The following ABCA12 variants were observed in gnomAD, a reference collection of about 807,000 sequenced individuals.
ABCA12 encodes the protein ATP binding cassette subfamily A member 12.
In ABCA12, 156 loss-of-function variants were observed where a neutral mutation model predicts 293.5. The observed-to-expected ratio is 0.53, with a 90% CI of 0.47 to 0.61. ABCA12 has a LOEUF of 0.61. ABCA12 is among the 20% of genes least tolerant of loss of function. The pLI is 0.00. For missense variants in ABCA12, 2,797 were observed against 3,090.2 expected (o/e 0.91, Z 2.25); for synonymous variants, 1,063 against 1,108.0 (o/e 0.96, Z 0.81).
In ABCA12 at chr2:215,064,164, G is replaced by A. The variant is rs746221820; in HGVS notation, c.219C>T (p.Thr73=). 1.9e-6 allele frequency: 3 copies of A among 1,612,828 alleles called. No homozygotes were observed. Among genetic ancestry groups the A allele is most frequent in the Non-Finnish European group, 2.5e-6 (3 of 1,179,216 alleles). ...PSTGFFPFLQ[T]LLCDTDSKCK... ...ATTTAGAGTCTGTGTCACAGAGTAG[G>A]GTCTGCAGGAATGGAAAGAATCCAG... The change falls in exon 3 of 53, where the codon ACC becomes ACT. Residue 73 remains threonine, a synonymous_variant. Transcript: ENST00000272895.
At chr2:215,125,300 T>C (rs1702898696) in intron 1 of ABCA12, among the ~76,000 whole-genome samples, 1 of 152,180 alleles carries the variant, frequency 6.6e-6, no homozygotes, top group African/African-American at 2.4e-5. Flanking sequence ...TTTGGTTCCA[T>C]ATGAATTTTA....
chr2:215,024,504 G>A (rs938094270), intron 11 of ABCA12, among the ~76,000 whole-genome samples: 3 of 152,174 alleles, frequency 2.0e-5, no homozygotes, highest in African/African-American at 7.2e-5. Flanking sequence ...GTCCTTGAGG[G>A]ATGAGTAGGA....
At chr2:214,984,011 G>A in intron 28 of ABCA12, 146 bp from the exon 29 acceptor site, 1 of 641,168 alleles carries the variant, frequency 1.6e-6, no homozygotes, top group Non-Finnish European at 2.7e-6. Flanking sequence ...GTATTTAATG[G>A]GAATAAGAAA....
intron 4 of ABCA12, among the ~76,000 whole-genome samples, chr2:215,054,050 C>T (rs926457772): frequency 6.6e-5 from 10 of 152,008 alleles, no homozygotes; most frequent in Admixed American, 5.9e-4. Context: ...CACAGTCACA[C>T]TGAAGACTGT....
At chr2:214,981,690 C>A (rs1164063707) in intron 30 of ABCA12, among the ~76,000 whole-genome samples, 1 of 149,822 alleles carries the variant, frequency 6.7e-6, no homozygotes, top group Non-Finnish European at 1.5e-5. Context: ...TATGTACAAG[C>A]ATGATGTATC....
At position 215,138,293 on chromosome 2, in the gene ABCA12, T is replaced by A; in HGVS notation, c.-85A>T. 7.1e-7 allele frequency: 1 copy of A among 1,410,662 alleles called. No individual in the cohort carries two copies. Among genetic ancestry groups the A allele is most frequent in the South Asian group, 1.1e-5 (1 of 87,060 alleles). 87.4% of individuals were successfully genotyped at this position (1,410,662 alleles called of 1,614,324 possible). A position where few individuals can be genotyped will look rare whatever the true frequency, so the allele number is the denominator to read the frequency against. ...CTGATGCCCCGTCCAACTTGCTGTA[T>A]GTCAGTGTATCAGTACCCCTTTCAC... On this transcript the variant is annotated 5_prime_UTR_variant, in exon 1 of 53. Transcript: ENST00000272895.
chr2:215,042,597 T>G (rs1701121505), intron 7 of ABCA12, among the ~76,000 whole-genome samples: 1 of 152,172 alleles, frequency 6.6e-6, no homozygotes, highest in Admixed American at 6.6e-5. Context: ...TTCATATTTA[T>G]AGAGTACAGT....
intron 2 of ABCA12, among the ~76,000 whole-genome samples, chr2:215,106,994 C>T (rs1702476239): frequency 6.6e-6 from 1 of 152,088 alleles, no homozygotes; most frequent in South Asian, 2.1e-4. Flanking sequence ...ATAGTTGGGG[C>T]TTAATGTAAT....
At chr2:215,011,763 T>C (rs1404943098) in intron 16 of ABCA12, 114 bp from the exon 17 acceptor site, 2 of 1,191,944 alleles carry the variant, frequency 1.7e-6, no homozygotes, top group Non-Finnish European at 2.5e-6. Flanking sequence ...TTTCCATAAT[T>C]CCTTTTATAT....
At chr2:214,990,157 T>G (rs1699881188) in intron 24 of ABCA12, among the ~76,000 whole-genome samples, 1 of 152,200 alleles carries the variant, frequency 6.6e-6, no homozygotes, top group South Asian at 2.1e-4. Context: ...AATAGCAAAG[T>G]TTTAATATGA....
chr2:215,064,593 A>G (rs896486442), intron 2 of ABCA12, among the ~76,000 whole-genome samples: 1 of 151,994 alleles, frequency 6.6e-6, no homozygotes, highest in African/African-American at 2.4e-5. Flanking sequence ...GCCAATACAA[A>G]TGTTGTCAAT....
intron 3 of ABCA12, among the ~76,000 whole-genome samples, chr2:215,060,899 C>A (rs1042663390): frequency 6.6e-6 from 1 of 152,022 alleles, no homozygotes. Flanking sequence ...ATTTAGAAGC[C>A]GCAGGTCATG....
chr2:215,128,196 G>T (rs766471155), intron 1 of ABCA12, among the ~76,000 whole-genome samples: 1 of 152,124 alleles, frequency 6.6e-6, no homozygotes. Context: ...TCCTTTATAG[G>T]TTACCTGGTG....
At chr2:215,063,807 G>A (rs1235854514) in intron 3 of ABCA12, among the ~76,000 whole-genome samples, 1 of 151,806 alleles carries the variant, frequency 6.6e-6, no homozygotes, top group Non-Finnish European at 1.5e-5. Flanking sequence ...AATCTTTGAG[G>A]GATGTAAAGG....
chr2:214,944,865 G>T (rs1446249020), intron 49 of ABCA12, 136 bp downstream of exon 49: 8 of 634,380 alleles, frequency 1.3e-5, no homozygotes, highest in Non-Finnish European at 1.9e-5. Flanking sequence ...TATATATTTT[G>T]TATGTGTGTA....
In ABCA12 at chr2:214,989,353, A is replaced by G; in HGVS notation, c.3805T>C (p.Trp1269Arg). ...ADSFIYFLIA[W>R]YVRNVFPGTY... is the part of the protein sequence containing the mutation. ...CCTGGGAAGACATTCCTGACATACC[A>G]AGCAATAAGGAAATAAATGAAAGAG... is the stretch of plus-strand genomic sequence containing the variant. The change falls in exon 26 of 53, where the codon TGG (tryptophan) becomes CGG (arginine). Residue 1269 changes from tryptophan (W) to arginine (R), a missense_variant. This residue lies in a region of ABCA12 where 2,130 missense variants were observed against 2,427.0 expected (regional missense o/e 0.88). Transcript: ENST00000272895. 6.2e-7 allele frequency: 1 copy of G among 1,613,564 alleles called. No individual in the cohort carries two copies. The highest frequency in any genetic ancestry group is 8.5e-7 in the Non-Finnish European group (1 of 1,179,910).
In ABCA12 at chr2:214,949,088, C is replaced by T. The variant is rs1360420474; in HGVS notation, c.6914G>A (p.Gly2305Glu). The T allele has an allele frequency of 8.7e-6, 14 of 1,613,806 alleles. No individual in the cohort carries two copies. The South Asian group carries it at 9.9e-5, about 11-fold the overall frequency. ...GTTTCCACTTGAAGGAATGATGTCT[C>T]CTGTCAGCATCTTGAATATAGTGGT... ...GKTTIFKMLT[G>E]DIIPSSGNIL... The change falls in exon 46 of 53, where the codon GGA becomes GAA. Residue 2305 changes from glycine (G) to glutamate (E), a missense_variant. Gly to Glu is a moderately conservative substitution (Grantham distance 98). Coordinates refer to ENST00000272895, the MANE Select transcript of ABCA12 (RefSeq NM_173076.3).
At chr2:214,964,661 C>T (rs1029753849) in intron 39 of ABCA12, among the ~76,000 whole-genome samples, 2 of 152,082 alleles carry the variant, frequency 1.3e-5, no homozygotes, top group Non-Finnish European at 2.9e-5. Context: ...CCCAGGAATA[C>T]AGCTAACAAA....
chr2:215,098,730 A>T (rs965743231), intron 2 of ABCA12, among the ~76,000 whole-genome samples: 1 of 152,248 alleles, frequency 6.6e-6, no homozygotes, highest in South Asian at 2.1e-4. Context: ...AAGTAAGAAC[A>T]AATTAAATCT....
Sources: allele counts gnomAD v4.1 joint callset (sites outside exome capture counted in the v4.1 genomes callset), GRCh38; gene constraint gnomAD v4.1.1; regional missense constraint gnomAD v4.1.1; transcripts MANE v1.5; gene names NCBI Gene and HGNC (gene_info 2026-07-23, HGNC 2026-07-21).